Variants in GRIP1 observed in about 807,000 individuals in gnomAD.
GRIP1 encodes glutamate receptor interacting protein 1.
A neutral mutation model predicts 129.9 loss-of-function variants in GRIP1; 45 were observed. The observed-to-expected ratio is 0.35, with a 90% CI of 0.27 to 0.44. The LOEUF is 0.44. Among genes scored for constraint, GRIP1 ranks in the 20% least tolerant of loss-of-function variants. The pLI, the probability that GRIP1 is intolerant of heterozygous loss-of-function variation, is 1.00. For missense variants in GRIP1, 1,196 were observed against 1,396.8 expected, an observed-to-expected ratio of 0.86 and a Z score of 2.29; for synonymous variants, 530 against 520.8, an observed-to-expected ratio of 1.02 and a Z score of -0.24.
At chr12:66,525,324 T>C (rs184004512) in intron 5 of GRIP1, among the ~76,000 whole-genome samples, 2,831 of 152,278 alleles carry the variant, frequency 0.019, 82 homozygotes, top group African/African-American at 0.065. Flanking sequence ...TCAAAAAGCT[T>C]ATCCACCATG....
At chr12:66,517,723 T>G (rs1246072300) in intron 6 of GRIP1, among the ~76,000 whole-genome samples, 178 bp downstream of exon 6, 2 of 152,180 alleles carry the variant, frequency 1.3e-5, no homozygotes, top group African/African-American at 2.4e-5. Flanking sequence ...GTATAGAATC[T>G]AGAGGCAAAC....
At chr12:66,737,996 T>C (rs541046234) in intron 1 of GRIP1, among the ~76,000 whole-genome samples, 3 of 151,970 alleles carry the variant, frequency 2.0e-5, no homozygotes, top group African/African-American at 7.2e-5. Context: ...AGGATTCACG[T>C]GGGAAGGAGG....
chr12:66,499,730 C>T (rs764207217), intron 7 of GRIP1, among the ~76,000 whole-genome samples: 3 of 152,162 alleles, frequency 2.0e-5, no homozygotes, highest in Non-Finnish European at 4.4e-5. Context: ...AGGCTGGGTA[C>T]AATGGCTCAT....
chr12:67,064,140 T>G (rs1302146859), intron 1 of GRIP1, among the ~76,000 whole-genome samples: 1 of 152,224 alleles, frequency 6.6e-6, no homozygotes, highest in Non-Finnish European at 1.5e-5. Context: ...CAATCCTTAT[T>G]GTTAGAGTTA....
At chr12:66,582,787 C>CTCAT (rs2063448869) in intron 2 of GRIP1, among the ~76,000 whole-genome samples, 1 of 145,768 alleles carries the variant, frequency 6.9e-6, no homozygotes, top group Non-Finnish European at 1.5e-5. Flanking sequence ...ACATTCCATG[C>CTCAT]TCATGGGTAG....
chr12:66,538,866 G>A (rs576829141), intron 4 of GRIP1, among the ~76,000 whole-genome samples: 132 of 152,292 alleles, frequency 8.7e-4, no homozygotes, highest in African/African-American at 3.1e-3. Flanking sequence ...GCCTCCCAAA[G>A]TGCTAGGATT....
intron 1 of GRIP1, among the ~76,000 whole-genome samples, chr12:66,661,751 T>C (rs1414128904): frequency 6.6e-6 from 1 of 152,140 alleles, no homozygotes; most frequent in East Asian, 1.9e-4. Context: ...ATTACTGTAG[T>C]ATCATCTCAA....
chr12:66,385,383 A>C (rs1160253365), intron 19 of GRIP1, among the ~76,000 whole-genome samples: 1 of 151,798 alleles, frequency 6.6e-6, no homozygotes, highest in Admixed American at 6.6e-5. Flanking sequence ...TAAAAACATA[A>C]AAATTAGCTG....
intron 1 of GRIP1, among the ~76,000 whole-genome samples, chr12:66,922,840 A>G (rs934579903): frequency 2.0e-5 from 3 of 152,228 alleles, no homozygotes; most frequent in African/African-American, 7.2e-5. Flanking sequence ...CTGGCCTAAG[A>G]AAAGTAGATC....
intron 2 of GRIP1, among the ~76,000 whole-genome samples, chr12:66,572,980 G>T (rs551800794): frequency 5.3e-4 from 81 of 152,120 alleles, no homozygotes; most frequent in African/African-American, 1.9e-3. Context: ...CATGACCTAT[G>T]GCTTACCTCT....
intron 1 of GRIP1, among the ~76,000 whole-genome samples, chr12:66,770,262 T>C (rs768232124): frequency 3.9e-5 from 6 of 152,188 alleles, no homozygotes; most frequent in Non-Finnish European, 8.8e-5. Flanking sequence ...ATGAATAATA[T>C]CAAAAGCAGT....
intron 1 of GRIP1, among the ~76,000 whole-genome samples, chr12:66,909,733 C>T (rs1313293062): frequency 6.6e-6 from 1 of 152,160 alleles, no homozygotes; most frequent in Admixed American, 6.5e-5. Context: ...CATCTTTTGG[C>T]TCCTTTTCTT....
intron 15 of GRIP1, among the ~76,000 whole-genome samples, chr12:66,408,455 C>T (rs1337082183): frequency 3.3e-5 from 5 of 152,030 alleles, no homozygotes; most frequent in African/African-American, 1.2e-4. Flanking sequence ...CCAGCCTGGG[C>T]AACAGAATGA....
chr12:66,415,542 C>A lies in GRIP1; in HGVS notation c.1838+5178G>T, dbSNP rs189370125. 7.2e-5 allele frequency among the ~76,000 whole-genome samples: 11 copies of A among 152,166 alleles called. No homozygotes were observed. In the East Asian group the frequency reaches 2.1e-3, roughly 29 times the overall value. On this transcript the variant is annotated intron_variant, in intron 15 of 24. Coordinates refer to ENST00000359742, the MANE Select transcript of GRIP1 (RefSeq NM_001366722.1). Reference sequence around the variant, plus strand: ...CCTCAAAGATATAGAAGCAGAAATACCATTTGACCCAGCAATCCCATTACT... The same window carrying A: ...CCTCAAAGATATAGAAGCAGAAATAACATTTGACCCAGCAATCCCATTACT...
intron 23 of GRIP1, among the ~76,000 whole-genome samples, chr12:66,354,812 A>T (rs1214355321): frequency 1.3e-5 from 2 of 152,202 alleles, no homozygotes; most frequent in Non-Finnish European, 2.9e-5. Flanking sequence ...TCTGAAGGCA[A>T]TATGAAAGTG....
intron 1 of GRIP1, among the ~76,000 whole-genome samples, chr12:66,716,331 C>G (rs1357060268): frequency 2.0e-5 from 3 of 151,846 alleles, no homozygotes; most frequent in Non-Finnish European, 2.9e-5. Context: ...CCTCACCTGA[C>G]CATTTATTAG....
chr12:66,888,575 C>T (rs1268565113), intron 1 of GRIP1, among the ~76,000 whole-genome samples: 3 of 152,144 alleles, frequency 2.0e-5, no homozygotes, highest in East Asian at 3.9e-4. Flanking sequence ...GTTGGCCAGG[C>T]TGGTCTCAAA....
chr12:66,882,897 C>T (rs185213389), intron 1 of GRIP1, among the ~76,000 whole-genome samples: 2 of 152,240 alleles, frequency 1.3e-5, no homozygotes, highest in East Asian at 3.9e-4. Flanking sequence ...TCTGCTCTGC[C>T]GTTCTTTGCA....
chr12:66,358,603 C>G (rs1026033382), intron 23 of GRIP1, among the ~76,000 whole-genome samples: 31 of 152,026 alleles, frequency 2.0e-4, no homozygotes, highest in African/African-American at 7.5e-4. Context: ...GCATGCCACT[C>G]CTGCATGGCT....
Sources: gnomAD v4.1 joint callset for allele counts (sites outside exome capture counted in the v4.1 genomes callset) on GRCh38, gnomAD v4.1.1 for gene constraint, MANE v1.5 for transcripts, NCBI Gene and HGNC (gene_info 2026-07-23, HGNC 2026-07-21) for gene names.